Variants in STAM observed in about 807,000 individuals in gnomAD.
The protein encoded by STAM is signal transducing adapter molecule 1.
Under a neutral mutation model 63.4 loss-of-function variants are expected in STAM, and 16 were observed. The ratio of observed to expected loss-of-function variants is 0.25; its 90% CI spans 0.17 to 0.38. STAM has a LOEUF of 0.38. Among genes scored for constraint, STAM ranks in the 10% least tolerant of loss-of-function variants. The pLI is 1.00. For synonymous variants in STAM, 238 were observed against 223.9 expected, an observed-to-expected ratio of 1.06 and a Z score of -0.56; for missense variants, 636 against 657.1, an observed-to-expected ratio of 0.97 and a Z score of 0.35.
intron 1 of STAM, among the ~76,000 whole-genome samples, chr10:17,659,422 ATTAT>A (rs1161074639): frequency 7.3e-6 from 1 of 136,828 alleles, no homozygotes; most frequent in East Asian, 2.2e-4. Flanking sequence ...AATAAAAGTT[ATTAT>A]TTTTATCTTC....
chr10:17,650,232 T>C (rs1833683714), intron 1 of STAM, among the ~76,000 whole-genome samples: 1 of 152,226 alleles, frequency 6.6e-6, no homozygotes, highest in Admixed American at 6.5e-5. Context: ...CATTTACTCT[T>C]AGTAAATGGA....
At chr10:17,657,626 G>C (rs1168604571) in intron 1 of STAM, among the ~76,000 whole-genome samples, 1 of 152,140 alleles carries the variant, frequency 6.6e-6, no homozygotes, top group African/African-American at 2.4e-5. Flanking sequence ...ATTAATTATT[G>C]ATTCAGTTTT....
intron 1 of STAM, among the ~76,000 whole-genome samples, chr10:17,659,638 A>AT (rs1256492363): frequency 4.6e-5 from 7 of 151,268 alleles, no homozygotes; most frequent in Admixed American, 1.3e-4. Context: ...CCAGCTAATT[A>AT]TTTTTTTAAA....
intron 1 of STAM, among the ~76,000 whole-genome samples, chr10:17,650,795 G>C (rs1461577759): frequency 6.6e-6 from 1 of 152,190 alleles, no homozygotes; most frequent in Non-Finnish European, 1.5e-5. Context: ...GCTGGGCGCG[G>C]TGGCTCACGC....
chr10:17,674,594 C>G (rs539516379), intron 2 of STAM, among the ~76,000 whole-genome samples: 1 of 152,176 alleles, frequency 6.6e-6, no homozygotes, highest in African/African-American at 2.4e-5. Context: ...AGCTAGTGCT[C>G]CAGGAGACCC....
At chr10:17,675,073 C>T (rs554925890) in intron 2 of STAM, among the ~76,000 whole-genome samples, 1 of 152,270 alleles carries the variant, frequency 6.6e-6, no homozygotes, top group Admixed American at 6.5e-5. Flanking sequence ...ATATGAACAG[C>T]TGACAGATAG....
intron 5 of STAM, among the ~76,000 whole-genome samples, chr10:17,688,855 A>G (rs1304573657): frequency 6.6e-6 from 1 of 152,194 alleles, no homozygotes; most frequent in Non-Finnish European, 1.5e-5. Context: ...TCTACAAAGA[A>G]TGATAGCTCA....
At chr10:17,647,586 G>A (rs2131552011) in intron 1 of STAM, among the ~76,000 whole-genome samples, 1 of 152,040 alleles carries the variant, frequency 6.6e-6, no homozygotes, top group Admixed American at 6.5e-5. Flanking sequence ...CTTGGATTCA[G>A]TCCCAGGTTT....
chr10:17,684,422 CT>C (rs3830598), intron 2 of STAM, among the ~76,000 whole-genome samples: 2,226 of 146,080 alleles, frequency 0.015, 60 homozygotes, highest in East Asian at 0.06. Flanking sequence ...ATTTTCAAAC[CT>C]TTTTTTTTTT....
intron 4 of STAM, among the ~76,000 whole-genome samples, chr10:17,685,719 C>T (rs1835267697): frequency 6.6e-6 from 1 of 152,146 alleles, no homozygotes; most frequent in Non-Finnish European, 1.5e-5. Context: ...AAACATGCAG[C>T]TGGCTAGGTC....
At position 17,672,069 on chromosome 10, in the gene STAM, A is replaced by G. The variant is rs199781423; in HGVS notation, c.125+11521A>G. 3.9e-5 allele frequency among the ~76,000 whole-genome samples: 6 copies of G among 152,330 alleles called. No homozygotes were observed. The East Asian group carries it at 7.7e-4, about 20-fold the overall frequency. ...AAATAGGAGAATTTTCAAAAGTTTT[A>G]TACAGCATAGGATGTCACAAATCTT... On this transcript the variant is annotated intron_variant, in intron 2 of 13. Transcript: ENST00000377524.
chr10:17,696,439 C>G (rs889141955), intron 7 of STAM, among the ~76,000 whole-genome samples: 1 of 152,070 alleles, frequency 6.6e-6, no homozygotes, highest in African/African-American at 2.4e-5. Flanking sequence ...AAGAGCCTGT[C>G]TTTATAGCTC....
At chr10:17,646,941 C>A (rs1417475532) in intron 1 of STAM, among the ~76,000 whole-genome samples, 15 of 152,212 alleles carry the variant, frequency 9.9e-5, no homozygotes, top group Admixed American at 8.5e-4. Context: ...AATTAATTGT[C>A]TTCAGTCTTA....
chr10:17,664,569 A>G (rs1046074393), intron 2 of STAM, among the ~76,000 whole-genome samples: 1 of 152,160 alleles, frequency 6.6e-6, no homozygotes, highest in Non-Finnish European at 1.5e-5. Flanking sequence ...TGATGGTCGC[A>G]TAAGAATGTT....
At chr10:17,702,399 G>A (rs182873399) in intron 9 of STAM, among the ~76,000 whole-genome samples, 62 of 152,250 alleles carry the variant, frequency 4.1e-4, no homozygotes, top group African/African-American at 1.5e-3. Context: ...GACAGAGACT[G>A]TTGTTTGAAT....
intron 2 of STAM, among the ~76,000 whole-genome samples, chr10:17,664,261 A>G (rs1235119132): frequency 6.6e-6 from 1 of 151,910 alleles, no homozygotes; most frequent in Non-Finnish European, 1.5e-5. Context: ...CTAATATGTT[A>G]TTTGTTTTTA....
At position 17,708,962 on chromosome 10, in the gene STAM, T is replaced by A; in HGVS notation, c.1385+11T>A. On this transcript the variant is annotated intron_variant, in intron 13 of 13. Coordinates refer to ENST00000377524, the MANE Select transcript of STAM (RefSeq NM_003473.4). Reference sequence around the variant, plus strand: ...GGCCGCTTACCCAAAGTAATTTTACTGTTGATTCTTGTTTGGAGTTAGTGC... The same window carrying A: ...GGCCGCTTACCCAAAGTAATTTTACAGTTGATTCTTGTTTGGAGTTAGTGC... The A allele has an allele frequency of 6.2e-7, 1 of 1,611,854 alleles. No individual in the cohort carries two copies. Among genetic ancestry groups the A allele is most frequent in the Non-Finnish European group, 8.5e-7 (1 of 1,178,526 alleles).
chr10:17,703,323 T>C (rs1836101405), intron 9 of STAM, among the ~76,000 whole-genome samples: 2 of 151,280 alleles, frequency 1.3e-5, no homozygotes. Context: ...TATTTTGACT[T>C]GGGAAGAGTT....
intron 1 of STAM, among the ~76,000 whole-genome samples, chr10:17,647,830 G>C (rs1436138633): frequency 6.6e-6 from 1 of 152,056 alleles, no homozygotes; most frequent in Non-Finnish European, 1.5e-5. Context: ...GCGTATTCTG[G>C]TGACTCCTGG....
Sources: allele counts gnomAD v4.1 joint callset (sites outside exome capture counted in the v4.1 genomes callset), GRCh38; gene constraint gnomAD v4.1.1; transcripts MANE v1.5; gene names NCBI Gene and HGNC (gene_info 2026-07-23, HGNC 2026-07-21).